Variants in KRAS observed in about 807,000 individuals in gnomAD.
KRAS encodes GTPase KRas.
A neutral mutation model predicts 21.0 loss-of-function variants in KRAS; 1 was observed. That is an observed-to-expected ratio of 0.05 (90% CI 0.02 to 0.23). The LOEUF is 0.23. Among genes scored for constraint, KRAS ranks in the 10% least tolerant of loss-of-function variants. The pLI is 1.00. For missense variants in KRAS, 107 were observed against 221.8 expected (o/e 0.48, Z 3.29); for synonymous variants, 67 against 72.5 (o/e 0.92, Z 0.39).
At chr12:25,246,147 CAAAAA>C (rs35617676) in intron 1 of KRAS, among the ~76,000 whole-genome samples, 1 of 84,470 alleles carries the variant, frequency 1.2e-5, no homozygotes, top group African/African-American at 4.5e-5. Context: ...GACTCCGTCT[CAAAAA>C]AAAAAAAAAA....
intron 3 of KRAS, among the ~76,000 whole-genome samples, chr12:25,226,324 T>C (rs946440069): frequency 6.6e-6 from 1 of 152,146 alleles, no homozygotes; most frequent in African/African-American, 2.4e-5. Context: ...AACTCTAAAT[T>C]TGGGGTGAAA....
chr12:25,247,640 C>T (rs929939588), intron 1 of KRAS, among the ~76,000 whole-genome samples: 2 of 152,212 alleles, frequency 1.3e-5, no homozygotes, highest in Non-Finnish European at 2.9e-5. Context: ...CTAGGAACCC[C>T]TCAGGTTACT....
chr12:25,222,523 C>G (rs1267515988), intron 4 of KRAS, among the ~76,000 whole-genome samples: 1 of 152,078 alleles, frequency 6.6e-6, no homozygotes, highest in African/African-American at 2.4e-5. Context: ...ATAATAACAT[C>G]AGTGAAACAG....
chr12:25,247,400 G>A (rs184187443), intron 1 of KRAS, among the ~76,000 whole-genome samples: 6 of 152,282 alleles, frequency 3.9e-5, no homozygotes, highest in African/African-American at 1.2e-4. Context: ...ATAGTTCCCC[G>A]CCTTACTCTG....
chr12:25,239,621 C>T (rs188388763), intron 2 of KRAS, among the ~76,000 whole-genome samples: 45 of 152,128 alleles, frequency 3.0e-4, no homozygotes, highest in African/African-American at 9.4e-4. Context: ...GTTCTCACTG[C>T]GGGAGAAAGA....
intron 2 of KRAS, among the ~76,000 whole-genome samples, chr12:25,229,281 A>G (rs1412267084): frequency 6.6e-6 from 1 of 152,226 alleles, no homozygotes; most frequent in Non-Finnish European, 1.5e-5. Context: ...AAGAAAAATC[A>G]ATCAACTTAT....
chr12:25,245,207 G>T, intron 2 of KRAS, 67 bp downstream of exon 2: 1 of 1,507,118 alleles, frequency 6.6e-7, no homozygotes, highest in South Asian at 1.2e-5. Context: ...AAAATGGTCA[G>T]AGAAACCTTT....
intron 3 of KRAS, among the ~76,000 whole-genome samples, chr12:25,226,081 C>T (rs939116489): frequency 6.6e-6 from 1 of 151,984 alleles, no homozygotes; most frequent in Non-Finnish European, 1.5e-5. Context: ...ACCCAAAGTG[C>T]TATATAACAG....
At chr12:25,228,455 A>G (rs1951422323) in intron 2 of KRAS, among the ~76,000 whole-genome samples, 1 of 152,162 alleles carries the variant, frequency 6.6e-6, no homozygotes, top group African/African-American at 2.4e-5. Flanking sequence ...CTGTATATAC[A>G]TGCTACAACA....
chr12:25,217,382 A>G (rs1196008914), intron 4 of KRAS, among the ~76,000 whole-genome samples: 1 of 152,228 alleles, frequency 6.6e-6, no homozygotes, highest in East Asian at 1.9e-4. Flanking sequence ...ATTTAAATTC[A>G]TAATGTTAAG....
intron 1 of KRAS, among the ~76,000 whole-genome samples, chr12:25,246,289 G>A (rs982902003): frequency 3.3e-5 from 5 of 152,284 alleles, no homozygotes; most frequent in South Asian, 2.1e-4. Flanking sequence ...CGGGTGCGGC[G>A]GCTCATGCCT....
Position 25,207,559 on chromosome 12 carries a change from C to A in KRAS, c.*2236G>T. 4.5e-6 allele frequency: 1 copy of A among 224,304 alleles called. No homozygotes were observed. Among genetic ancestry groups the A allele is most frequent in the Non-Finnish European group, 8.9e-6 (1 of 112,728 alleles). 13.9% of individuals were successfully genotyped at this position (224,304 alleles called of 1,614,324 possible). A position where few individuals can be genotyped will look rare whatever the true frequency, so the allele number is the denominator to read the frequency against. On this transcript the variant is annotated 3_prime_UTR_variant, in exon 5 of 5. Coordinates refer to ENST00000311936, the MANE Select transcript of KRAS (RefSeq NM_004985.5). ...TCATGAATTAAAGTATTTTTCATTG[C>A]ATGAAGATTTCTGGTTACTAAAACA... is the stretch of plus-strand genomic sequence containing the variant.
At chr12:25,244,405 G>A (rs1951650047) in intron 2 of KRAS, among the ~76,000 whole-genome samples, 3 of 152,158 alleles carry the variant, frequency 2.0e-5, no homozygotes, top group Admixed American at 2.0e-4. Context: ...AATTTAACAT[G>A]AAGATCCAAA....
chr12:25,222,789 A>G (rs773171958), intron 4 of KRAS, among the ~76,000 whole-genome samples: 1 of 152,256 alleles, frequency 6.6e-6, no homozygotes, highest in East Asian at 1.9e-4. Context: ...GTGTTATATT[A>G]AAGTATTAAG....
At chr12:25,246,147 C>CAA (rs35617676) in intron 1 of KRAS, among the ~76,000 whole-genome samples, 1,053 of 83,926 alleles carry the variant, frequency 0.013, 17 homozygotes, top group African/African-American at 0.028. Flanking sequence ...GACTCCGTCT[C>CAA]AAAAAAAAAA....
chr12:25,224,258 G>T (rs994299224), intron 4 of KRAS, among the ~76,000 whole-genome samples: 1 of 138,982 alleles, frequency 7.2e-6, no homozygotes, highest in African/African-American at 2.8e-5. Context: ...TATTCCAAAA[G>T]AAGGCAATGT....
intron 1 of KRAS, among the ~76,000 whole-genome samples, chr12:25,249,790 G>A (rs757734955): frequency 6.6e-6 from 1 of 152,186 alleles, no homozygotes; most frequent in African/African-American, 2.4e-5. Context: ...TAATACATAA[G>A]AAATAGGGGA....
intron 2 of KRAS, chr12:25,234,060 G>T: frequency 5.5e-6 from 1 of 183,028 alleles, no homozygotes; most frequent in African/African-American, 2.3e-5. Flanking sequence ...ATGTTTCAAT[G>T]TTCTCTTAGA....
At chr12:25,239,885 G>A (rs1456958501) in intron 2 of KRAS, among the ~76,000 whole-genome samples, 2 of 151,978 alleles carry the variant, frequency 1.3e-5, no homozygotes, top group Non-Finnish European at 1.5e-5. Flanking sequence ...CCCAGGAGGT[G>A]GAGGCTGCAG....
Sources: gnomAD v4.1 joint callset for allele counts (sites outside exome capture counted in the v4.1 genomes callset) on GRCh38, gnomAD v4.1.1 for gene constraint, MANE v1.5 for transcripts, NCBI Gene and HGNC (gene_info 2026-07-23, HGNC 2026-07-21) for gene names.